The following MIPOL1 variants were observed in gnomAD, a reference collection of about 807,000 sequenced individuals.
MIPOL1 encodes mirror-image polydactyly 1.
In MIPOL1, 57 loss-of-function variants were observed where a neutral mutation model predicts 60.9. The observed-to-expected ratio is 0.94, with a 90% CI of 0.76 to 1.17. MIPOL1 has a LOEUF of 1.17. Ranked by LOEUF, MIPOL1 falls within the 50% of genes most tolerant of loss-of-function variation. The pLI, the probability that MIPOL1 is intolerant of heterozygous loss-of-function variation, is 0.00. For synonymous variants in MIPOL1, 179 were observed against 168.8 expected, an observed-to-expected ratio of 1.06 and a Z score of -0.47; for missense variants, 551 against 511.6, an observed-to-expected ratio of 1.08 and a Z score of -0.74.
intron 11 of MIPOL1, among the ~76,000 whole-genome samples, chr14:37,458,539 C>A (rs1309079848): frequency 6.6e-6 from 1 of 152,038 alleles, no homozygotes; most frequent in East Asian, 1.9e-4. Context: ...TATGTAAATA[C>A]ACTGAAGCCA....
chr14:37,303,122 A>G (rs1366725608), intron 7 of MIPOL1, among the ~76,000 whole-genome samples: 3 of 151,936 alleles, frequency 2.0e-5, no homozygotes, highest in Non-Finnish European at 4.4e-5. Flanking sequence ...AAAAAATCAA[A>G]TTGACCTCCA....
intron 11 of MIPOL1, among the ~76,000 whole-genome samples, chr14:37,446,961 T>G (rs955706424): frequency 6.6e-6 from 1 of 151,766 alleles, no homozygotes. Context: ...CATTAGGAGA[T>G]ATACCTAATG....
At chr14:37,351,294 A>G (rs1188211390) in intron 9 of MIPOL1, among the ~76,000 whole-genome samples, 1 of 143,076 alleles carries the variant, frequency 7.0e-6, no homozygotes, top group Non-Finnish European at 1.5e-5. Flanking sequence ...ACATTTTCTT[A>G]ATCCAGTCTA....
intron 12 of MIPOL1, chr14:37,506,099 T>C (rs1193410298): frequency 6.6e-6 from 1 of 151,946 alleles, no homozygotes; most frequent in Non-Finnish European, 1.5e-5. Flanking sequence ...ATGAAATAAA[T>C]GAGGACACAG....
chr14:37,519,063 A>G (rs2095393163), intron 12 of MIPOL1, among the ~76,000 whole-genome samples: 1 of 152,206 alleles, frequency 6.6e-6, no homozygotes, highest in Non-Finnish European at 1.5e-5. Context: ...AGAATGATAC[A>G]ATTAGAAAAT....
rs1965640606 is a variant in MIPOL1 at position 37,203,638 on chromosome 14, GCTGGCA to G, written c.-199+5537_-199+5542del. 6.6e-5 allele frequency among the ~76,000 whole-genome samples: 10 copies of G among 151,898 alleles called. No homozygotes were observed. The South Asian group carries it at 2.1e-3, about 32-fold the overall frequency. ...TACAAAATCTATGACTTCCCTTTTTGCTGGCACTCTGTTGCTCACTCACCTTGAGGA... is the reference window on the plus strand; with the variant it reads ...TACAAAATCTATGACTTCCCTTTTTGCTCTGTTGCTCACTCACCTTGAGGA... On this transcript the variant is annotated intron_variant, in intron 1 of 12. Transcript: ENST00000684589.
Position 37,268,587 on chromosome 14 carries a change from C to T in MIPOL1, c.252-71C>T. ...TTTGCTTACAAGTTGATACTGTTCT[C>T]AAGTAGCATACAAAATGTCAAAAAA... On this transcript the variant is annotated intron_variant, in intron 4 of 12. Coordinates refer to ENST00000684589, the MANE Select transcript of MIPOL1 (RefSeq NM_001388067.1). The T allele has an allele frequency of 3.4e-6, 4 of 1,181,014 alleles. No homozygotes were observed. In the South Asian group the frequency reaches 5.8e-5, roughly 17 times the overall value. The allele number at this position is 1,181,014 out of a possible 1,614,324, so 73.2% of individuals were successfully genotyped here. A position where few individuals can be genotyped will look rare whatever the true frequency, so the allele number is the denominator to read the frequency against.
intron 11 of MIPOL1, among the ~76,000 whole-genome samples, chr14:37,449,076 A>T (rs1025899541): frequency 6.6e-6 from 1 of 152,230 alleles, no homozygotes; most frequent in Non-Finnish European, 1.5e-5. Flanking sequence ...TGGCAGCAAG[A>T]TCACATTCTT....
At chr14:37,238,933 A>G (rs1050391550) in intron 1 of MIPOL1, among the ~76,000 whole-genome samples, 2 of 152,050 alleles carry the variant, frequency 1.3e-5, no homozygotes, top group Admixed American at 6.6e-5. Flanking sequence ...AGCCTGGGCA[A>G]CAGAATGAGA....
chr14:37,517,265 A>C (rs2095376925), intron 12 of MIPOL1, among the ~76,000 whole-genome samples: 1 of 152,190 alleles, frequency 6.6e-6, no homozygotes, highest in Admixed American at 6.5e-5. Flanking sequence ...GTGGTTTAAT[A>C]CCTTCAACTT....
intron 11 of MIPOL1, among the ~76,000 whole-genome samples, chr14:37,494,298 A>G (rs185363419): frequency 7.2e-5 from 11 of 152,326 alleles, no homozygotes; most frequent in Admixed American, 1.3e-4. Flanking sequence ...AAAAACTACA[A>G]ATTACAAGTT....
intron 10 of MIPOL1, among the ~76,000 whole-genome samples, chr14:37,377,037 T>C (rs2092795232): frequency 6.6e-6 from 1 of 152,100 alleles, no homozygotes; most frequent in Non-Finnish European, 1.5e-5. Context: ...GCTCTTCCAC[T>C]TGAATATCTT....
chr14:37,341,333 A>T (rs1367897954), intron 9 of MIPOL1, among the ~76,000 whole-genome samples: 1 of 152,068 alleles, frequency 6.6e-6, no homozygotes, highest in African/African-American at 2.4e-5. Flanking sequence ...GCCTATAGCT[A>T]TTTTTTTGTT....
chr14:37,308,798 A>G (rs2087016270), intron 9 of MIPOL1, among the ~76,000 whole-genome samples: 2 of 152,088 alleles, frequency 1.3e-5, no homozygotes, highest in South Asian at 4.1e-4. Flanking sequence ...AAATTGTTAT[A>G]TTTTTTCAAC....
At chr14:37,461,497 C>A (rs555595620) in intron 11 of MIPOL1, among the ~76,000 whole-genome samples, 13 of 152,218 alleles carry the variant, frequency 8.5e-5, no homozygotes, top group African/African-American at 2.9e-4. Flanking sequence ...GGACACAGAG[C>A]CAAACTATAT....
chr14:37,546,882 C>T (rs1473454343), intron 12 of MIPOL1, 23 bp from the exon 13 acceptor site: 10 of 1,607,948 alleles, frequency 6.2e-6, no homozygotes, highest in Non-Finnish European at 7.7e-6. Context: ...CCCCTTCTCA[C>T]CCCCATCCCA....
chr14:37,237,900 A>C (rs1304053074), intron 1 of MIPOL1, among the ~76,000 whole-genome samples: 1 of 151,936 alleles, frequency 6.6e-6, no homozygotes, highest in Non-Finnish European at 1.5e-5. Context: ...ACTGACTGTT[A>C]TGGTTTGTTT....
At chr14:37,270,311 G>T in intron 5 of MIPOL1, 109 bp from the exon 6 acceptor site, 1 of 507,824 alleles carries the variant, frequency 2.0e-6, no homozygotes, top group Non-Finnish European at 3.4e-6. Context: ...TATCTAGGAA[G>T]TTAAATATAA....
At chr14:37,396,346 GT>G (rs1174194708) in intron 10 of MIPOL1, among the ~76,000 whole-genome samples, 2 of 152,154 alleles carry the variant, frequency 1.3e-5, no homozygotes, top group Non-Finnish European at 1.5e-5. Context: ...GAAATCTGCT[GT>G]TAATCTGATA....
Sources: gnomAD v4.1 joint callset for allele counts (sites outside exome capture counted in the v4.1 genomes callset) on GRCh38, gnomAD v4.1.1 for gene constraint, MANE v1.5 for transcripts, NCBI Gene and HGNC (gene_info 2026-07-23, HGNC 2026-07-21) for gene names.